The following TGFBR3 variants were observed in gnomAD, a reference collection of about 807,000 sequenced individuals.
TGFBR3 encodes the protein transforming growth factor beta receptor 3.
In TGFBR3, 46 loss-of-function variants were observed where a neutral mutation model predicts 87.9. The observed-to-expected ratio is 0.52, with a 90% confidence interval of 0.41 to 0.67. The LOEUF is 0.67. Ranked by LOEUF, TGFBR3 falls within the 30% of genes least tolerant of loss-of-function variation. TGFBR3 has a pLI of 0.00. For missense variants in TGFBR3, 866 were observed against 1,041.9 expected, an observed-to-expected ratio of 0.83 and a Z score of 2.32; for synonymous variants, 381 against 391.6, an observed-to-expected ratio of 0.97 and a Z score of 0.32.
At chr1:91,787,237 G>A (rs1036221589) in intron 3 of TGFBR3, among the ~76,000 whole-genome samples, 1 of 152,080 alleles carries the variant, frequency 6.6e-6, no homozygotes, top group African/African-American at 2.4e-5. Context: ...GGAGGCGGAG[G>A]TTGCAGTGAG....
At chr1:91,890,989 C>T (rs1323632913), upstream of TGFBR3, among the ~76,000 whole-genome samples, 1 of 151,794 alleles carries the variant, frequency 6.6e-6, no homozygotes, top group Non-Finnish European at 1.5e-5. Flanking sequence ...CCTCTGCCTC[C>T]TGAGTTCAAG....
At chr1:91,729,734 C>T (rs1177648749) in intron 6 of TGFBR3, 71 bp downstream of exon 6, 4 of 1,581,502 alleles carry the variant, frequency 2.5e-6, no homozygotes, top group Non-Finnish European at 3.5e-6. Flanking sequence ...GGCTACACCT[C>T]TCCCTGCCTC....
At chr1:91,768,143 C>G (rs974075283) in intron 3 of TGFBR3, among the ~76,000 whole-genome samples, 1 of 147,982 alleles carries the variant, frequency 6.8e-6, no homozygotes, top group Non-Finnish European at 1.5e-5. Context: ...ACCCAGGAGG[C>G]GGAAGTTGAG....
intron 2 of TGFBR3, among the ~76,000 whole-genome samples, chr1:91,827,085 T>C (rs1174932460): frequency 6.6e-6 from 1 of 152,154 alleles, no homozygotes; most frequent in Non-Finnish European, 1.5e-5. Flanking sequence ...AAACTTTCTG[T>C]CCCTTGCCCT....
chr1:91,746,487 T>C (rs942908477), intron 4 of TGFBR3, among the ~76,000 whole-genome samples: 3 of 152,204 alleles, frequency 2.0e-5, no homozygotes, highest in African/African-American at 7.2e-5. Flanking sequence ...TCAAAGTGCA[T>C]TTCAATCTAA....
Position 91,761,516 on chromosome 1 carries a change from T to C in TGFBR3, c.247-2766A>G, listed in dbSNP as rs182489155. 2.3e-3 allele frequency among the ~76,000 whole-genome samples: 354 copies of C among 152,306 alleles called. 3 individuals carry two copies. Among genetic ancestry groups the C allele is most frequent in the Non-Finnish European group, 3.7e-3 (250 of 68,012 alleles). On this transcript the variant is annotated intron_variant, in intron 3 of 16. Coordinates refer to ENST00000212355, the MANE Select transcript of TGFBR3 (RefSeq NM_003243.5). ...AAATTCAAAGAAAAATACCCAATAG[T>C]TTCTTTAAAAGATCATTTGGCAGGG...
At chr1:91,896,519 A>G (rs1679555570) in intron 2 of TGFBR3, among the ~76,000 whole-genome samples, 1 of 152,176 alleles carries the variant, frequency 6.6e-6, no homozygotes, top group African/African-American at 2.4e-5. Flanking sequence ...AACGGCATGA[A>G]TGAATCTCCA....
chr1:91,762,698 C>T (rs1674015529), intron 3 of TGFBR3, among the ~76,000 whole-genome samples: 1 of 152,206 alleles, frequency 6.6e-6, no homozygotes, highest in Non-Finnish European at 1.5e-5. Flanking sequence ...CACCATCCCT[C>T]ATACATTGCT....
Position 91,719,972 on chromosome 1 carries a change from T to A in TGFBR3, c.1334A>T (p.Gln445Leu). 1 of 1,614,174 alleles carries A rather than the reference T, an allele frequency of 6.2e-7. No homozygotes were observed. Among genetic ancestry groups the A allele is most frequent in the Non-Finnish European group, 8.5e-7 (1 of 1,180,028 alleles). ...AGACAGGGCAATATCCACGCTCCCT[T>A]GCACCTCTTCTGGCTCTCTGAGACC... ...FPGLREPEEV[Q>L]GSVDIALSVK... is the part of the protein sequence containing the mutation. The change falls in exon 9 of 17, where the codon CAA becomes CTA. Residue 445 changes from glutamine (Q) to leucine (L), a missense_variant. Physicochemically the swap from Gln to Leu is moderately radical, Grantham distance 113 (BLOSUM62 -2). Coordinates refer to ENST00000212355, the MANE Select transcript of TGFBR3 (RefSeq NM_003243.5).
At position 91,712,495 on chromosome 1, in the gene TGFBR3, C is replaced by A. The variant is rs572029245; in HGVS notation, c.1914G>T (p.Thr638=). 1.2e-6 allele frequency: 2 copies of A among 1,613,990 alleles called. No individual in the cohort carries two copies. Among genetic ancestry groups the A allele is most frequent in the Admixed American group, 1.7e-5 (1 of 60,002 alleles). Residue 638 remains threonine (T), a synonymous_variant, in exon 13 of 17, where the codon ACG becomes ACT. Coordinates refer to ENST00000212355, the MANE Select transcript of TGFBR3 (RefSeq NM_003243.5). The stretch of plus-strand genomic sequence containing the variant: ...GGTTCGAATATGGAGAGATAAAGCA[C>A]GTTTGGATGGCAAATCCCAGTTCTT... ...AEQELGFAIQ[T]CFISPYSNPD...
intron 1 of TGFBR3, among the ~76,000 whole-genome samples, chr1:91,866,320 G>T (rs977202266): frequency 6.6e-5 from 10 of 152,164 alleles, no homozygotes; most frequent in African/African-American, 2.2e-4. Flanking sequence ...CTACATCCAT[G>T]AGTTGATTCA....
chr1:91,877,329 T>C (rs888956738), intron 1 of TGFBR3, among the ~76,000 whole-genome samples: 1 of 151,946 alleles, frequency 6.6e-6, no homozygotes, highest in Non-Finnish European at 1.5e-5. Context: ...TCTTTTTTTG[T>C]GTGTGTGGTG....
intron 2 of TGFBR3, among the ~76,000 whole-genome samples, chr1:91,843,815 C>T (rs1378944869): frequency 1.3e-5 from 2 of 152,164 alleles, no homozygotes; most frequent in Non-Finnish European, 2.9e-5. Context: ...TCTGTCAAGA[C>T]CACTCTTGAC....
intron 5 of TGFBR3, among the ~76,000 whole-genome samples, chr1:91,731,394 G>C (rs1415941530): frequency 6.6e-6 from 1 of 152,122 alleles, no homozygotes; most frequent in Non-Finnish European, 1.5e-5. Flanking sequence ...CTGTTTGTCG[G>C]CTCGTTGCGA....
At chr1:91,728,007 C>T (rs1672608002) in intron 6 of TGFBR3, 5 of 618,066 alleles carry the variant, frequency 8.1e-6, no homozygotes, top group African/African-American at 1.8e-5. Context: ...GAAACATATG[C>T]TTGCTGATAA....
chr1:91,894,083 G>A (rs1423362070), intron 2 of TGFBR3, among the ~76,000 whole-genome samples: 14 of 152,076 alleles, frequency 9.2e-5, no homozygotes, highest in Admixed American at 9.2e-4. Context: ...CTCAGCAGAT[G>A]ACCTTGTTTC....
In TGFBR3 at chr1:91,716,306, T is replaced by C. The variant is rs1215874622; in HGVS notation, c.1796A>G (p.Asn599Ser). The change falls in exon 12 of 17, where the codon AAC (asparagine) becomes AGC (serine). Residue 599 changes from asparagine (N) to serine (S), a missense_variant. Transcript: ENST00000212355. ...GGAGGGCACCAAAAAGAGGTCAGTGTTGTATAGCTCCATGTTGAAGGTGAT... is the reference window on the plus strand; with the variant it reads ...GGAGGGCACCAAAAAGAGGTCAGTGCTGTATAGCTCCATGTTGAAGGTGAT... ...GNITFNMELY[N>S]TDLFLVPSQG... 1.2e-6 allele frequency: 2 copies of C among 1,614,028 alleles called. No homozygotes were observed. Among genetic ancestry groups the C allele is most frequent in the Non-Finnish European group, 1.7e-6 (2 of 1,180,028 alleles).
intron 4 of TGFBR3, among the ~76,000 whole-genome samples, chr1:91,754,210 C>T (rs942117442): frequency 2.0e-5 from 3 of 147,674 alleles, no homozygotes; most frequent in Non-Finnish European, 3.0e-5. Context: ...CATACTGTGG[C>T]TCTCATTTTA....
chr1:91,833,763 G>C (rs1233330615), intron 2 of TGFBR3, among the ~76,000 whole-genome samples: 1 of 145,658 alleles, frequency 6.9e-6, no homozygotes, highest in Non-Finnish European at 1.5e-5. Context: ...CTGGGTGACA[G>C]AGTGAGACTT....
Sources: allele counts gnomAD v4.1 joint callset (sites outside exome capture counted in the v4.1 genomes callset), GRCh38; gene constraint gnomAD v4.1.1; transcripts MANE v1.5; gene names NCBI Gene and HGNC (gene_info 2026-07-23, HGNC 2026-07-21).